The following CCDC141 variants were observed in gnomAD, a reference collection of about 807,000 sequenced individuals.
CCDC141 encodes the protein coiled-coil domain-containing protein 141.
In CCDC141, 168 loss-of-function variants were observed where a neutral mutation model predicts 181.0. The observed-to-expected ratio is 0.93, with a 90% CI of 0.82 to 1.05. The LOEUF (loss-of-function observed/expected upper bound fraction) is 1.05, where lower values mean the gene tolerates loss of function less well. CCDC141 is among the 50% of genes least tolerant of loss of function. The pLI is 0.00. For missense variants in CCDC141, 1,902 were observed against 1,788.5 expected (o/e 1.06, Z -1.14); for synonymous variants, 666 against 642.3 (o/e 1.04, Z -0.56).
intron 5 of CCDC141, among the ~76,000 whole-genome samples, chr2:178,960,236 T>C (rs1191142328): frequency 6.6e-6 from 1 of 152,192 alleles, no homozygotes; most frequent in Non-Finnish European, 1.5e-5. Context: ...TGGTCTAGCA[T>C]ATCCCCAGCA....
Position 178,975,166 on chromosome 2 carries a change from C to T in CCDC141, c.418-1G>A, listed in dbSNP as rs1013453289. On this transcript the variant is annotated splice_acceptor_variant, in intron 3 of 23. Transcript: ENST00000443758. LOFTEE classifies it high-confidence loss of function. ...CAGCTTGGTCTATTTTAATAGCAAA[C>T]TACAATAGAAATACAGAGGAAAGAC... is the stretch of plus-strand genomic sequence containing the variant. 7.1e-7 allele frequency: 1 copy of T among 1,402,114 alleles called. No individual in the cohort carries two copies. The highest frequency in any genetic ancestry group is 9.7e-7 in the Non-Finnish European group (1 of 1,026,788). The allele number at this position is 1,402,114 out of a possible 1,614,324, so 86.9% of individuals were successfully genotyped here.
intron 6 of CCDC141, among the ~76,000 whole-genome samples, chr2:178,921,132 C>T (rs1393680546): frequency 6.6e-6 from 1 of 152,194 alleles, no homozygotes; most frequent in African/African-American, 2.4e-5. Context: ...GCAAAAGCAG[C>T]ACTCTTAAGC....
At chr2:178,976,123 G>A (rs562159494) in intron 3 of CCDC141, among the ~76,000 whole-genome samples, 15 of 152,224 alleles carry the variant, frequency 9.9e-5, no homozygotes, top group Admixed American at 7.9e-4. Flanking sequence ...TTTTAGAATG[G>A]CAAAATATAT....
intron 5 of CCDC141, among the ~76,000 whole-genome samples, chr2:178,945,413 T>C (rs1199212240): frequency 6.6e-6 from 1 of 152,170 alleles, no homozygotes; most frequent in African/African-American, 2.4e-5. Flanking sequence ...ATCATCTCTA[T>C]TTCTCTCAAC....
chr2:178,867,151 G>A (rs935728477), intron 16 of CCDC141, among the ~76,000 whole-genome samples: 1 of 152,208 alleles, frequency 6.6e-6, no homozygotes, highest in Non-Finnish European at 1.5e-5. Context: ...GAATCAGGAG[G>A]CTTGGACTCC....
chr2:178,990,608 G>C (rs1692007890), intron 2 of CCDC141, among the ~76,000 whole-genome samples: 2 of 138,890 alleles, frequency 1.4e-5, no homozygotes, highest in African/African-American at 5.4e-5. Flanking sequence ...GGGGAGGGGA[G>C]GGAAGGGAAG....
intron 6 of CCDC141, among the ~76,000 whole-genome samples, chr2:178,935,038 A>G (rs1381211495): frequency 6.6e-6 from 1 of 152,184 alleles, no homozygotes; most frequent in Non-Finnish European, 1.5e-5. Flanking sequence ...ACTATTTGGA[A>G]GTTTACACTA....
intron 6 of CCDC141, among the ~76,000 whole-genome samples, chr2:178,934,940 A>C (rs1239132341): frequency 1.3e-5 from 2 of 152,170 alleles, no homozygotes; most frequent in Non-Finnish European, 2.9e-5. Context: ...TCCAAAATGT[A>C]ATATGCTGCT....
intron 2 of CCDC141, among the ~76,000 whole-genome samples, chr2:179,015,763 ATCATATATATCTCATATATG>A (rs2042506766): frequency 5.2e-5 from 7 of 133,630 alleles, no homozygotes. Context: ...TCTCATATAT[ATCATATATATCTCATATATG>A]TATCATATAT....
chr2:178,987,421 G>T (rs2154381926), intron 2 of CCDC141, among the ~76,000 whole-genome samples: 1 of 152,176 alleles, frequency 6.6e-6, no homozygotes, highest in South Asian at 2.1e-4. Flanking sequence ...AGGACTTCAT[G>T]TCTAAAACAC....
At position 178,948,830 on chromosome 2, in the gene CCDC141, A is replaced by G. The variant is rs1245925736; in HGVS notation, c.781-4179T>C. The stretch of plus-strand genomic sequence containing the variant: ...CCCCTTCACCTTCCGCCATGGGTGA[A>G]AGCAGCCTGAAGCTTTCAACAGATG... On this transcript the variant is annotated intron_variant, in intron 5 of 23. Transcript: ENST00000443758. Among the ~76,000 whole-genome samples, 3 of 152,296 alleles carry G rather than the reference A, an allele frequency of 2.0e-5. No homozygotes were observed. The South Asian group carries it at 6.2e-4, about 32-fold the overall frequency.
intron 21 of CCDC141, among the ~76,000 whole-genome samples, chr2:178,846,107 G>A (rs1684928702): frequency 6.6e-6 from 1 of 152,154 alleles, no homozygotes; most frequent in African/African-American, 2.4e-5. Flanking sequence ...AGGTAGAAAT[G>A]ATTAAAGATC....
rs371656755 is a variant in CCDC141, at chr2:178,837,193, C to T, written c.4026G>A (p.Leu1342=). 3 of 1,613,996 alleles carry T rather than the reference C, an allele frequency of 1.9e-6. No homozygotes were observed. The highest frequency in any genetic ancestry group is 2.7e-5 in the African/African-American group (2 of 75,020). The change falls in exon 23 of 24, where the codon TTG becomes TTA. Residue 1342 remains leucine (L), a synonymous_variant. Coordinates refer to ENST00000443758, the MANE Select transcript of CCDC141 (RefSeq NM_173648.4). ...CATGCATTTTCTCCCGTGTTTCTAG[C>T]AAACCACCCTGAGCCTGAGGGTGCT... ...LQQHPQAQGG[L]LETREKMHAD...
At chr2:179,001,716 T>A (rs2041986654) in intron 2 of CCDC141, 1 of 150,168 alleles carries the variant, frequency 6.7e-6, no homozygotes. Flanking sequence ...GGAGACCACT[T>A]TTTTGTGGCA....
rs753342900 is a variant in CCDC141 at position 178,865,824 on chromosome 2, A to G, written c.2667T>C (p.Tyr889=). The G allele has an allele frequency of 1.9e-6, 3 of 1,607,108 alleles. No homozygotes were observed. The highest frequency in any genetic ancestry group is 2.5e-6 in the Non-Finnish European group (3 of 1,176,476). The change falls in exon 17 of 24, where the codon TAT becomes TAC. Residue 889 remains tyrosine (Y), a synonymous_variant. Transcript: ENST00000443758. ...CCACACTACGGGACAGGGTCCGTCCATACTCCTCAGCTTTGGCACGCCACT... is the reference window on the plus strand; with the variant it reads ...CCACACTACGGGACAGGGTCCGTCCGTACTCCTCAGCTTTGGCACGCCACT... ...SMKWRAKAEE[Y]GRTLSRSVEY... is the part of the protein sequence containing the mutation.
intron 2 of CCDC141, among the ~76,000 whole-genome samples, chr2:179,030,727 C>A (rs1024112701): frequency 6.6e-6 from 1 of 151,974 alleles, no homozygotes; most frequent in Non-Finnish European, 1.5e-5. Context: ...ACACACATAC[C>A]TATTTTTGAA....
At chr2:178,834,628 T>A (rs956293550) in intron 23 of CCDC141, among the ~76,000 whole-genome samples, 188 bp from the exon 24 acceptor site, 1 of 152,044 alleles carries the variant, frequency 6.6e-6, no homozygotes, top group Non-Finnish European at 1.5e-5. Flanking sequence ...TAGATTGCAG[T>A]AGCAGAATCA....
intron 11 of CCDC141, among the ~76,000 whole-genome samples, chr2:178,881,752 G>C (rs1686618523): frequency 6.6e-6 from 1 of 151,982 alleles, no homozygotes; most frequent in Non-Finnish European, 1.5e-5. Context: ...AAATTAGCTG[G>C]GCTTGGTGGC....
At chr2:179,005,335 T>G (rs1293103049) in intron 2 of CCDC141, among the ~76,000 whole-genome samples, 1 of 151,862 alleles carries the variant, frequency 6.6e-6, no homozygotes, top group Admixed American at 6.6e-5. Flanking sequence ...GTTTAGAAAA[T>G]TATTAAACAA....
Sources: allele counts gnomAD v4.1 joint callset (sites outside exome capture counted in the v4.1 genomes callset), GRCh38; gene constraint gnomAD v4.1.1; transcripts MANE v1.5; gene names NCBI Gene and HGNC (gene_info 2026-07-23, HGNC 2026-07-21).